HERC2: variants seen among roughly 807,000 people sequenced by gnomAD.
HERC2 encodes the protein HECT and RLD domain containing E3 ubiquitin protein ligase 2.
In HERC2, 102 loss-of-function variants were observed where a neutral mutation model predicts 537.7. The ratio of observed to expected loss-of-function variants is 0.19; its 90% CI spans 0.16 to 0.22. HERC2 has a LOEUF of 0.22. HERC2 is among the 10% of genes least tolerant of loss of function. HERC2 has a pLI of 1.00. For missense variants in HERC2, 4,236 were observed against 6,198.2 expected (o/e 0.68, Z 10.63); for synonymous variants, 2,224 against 2,466.2 (o/e 0.90, Z 2.91).
chr15:28,200,456 A>T (rs113505002), intron 48 of HERC2, among the ~76,000 whole-genome samples: 10,194 of 151,914 alleles, frequency 0.067, 845 homozygotes, highest in East Asian at 0.41. Flanking sequence ...ATCACCAGAA[A>T]CCAGCCAAGC....
chr15:28,131,097 C>T (rs1252350605), intron 81 of HERC2, among the ~76,000 whole-genome samples: 1 of 152,214 alleles, frequency 6.6e-6, no homozygotes, highest in South Asian at 2.1e-4. Flanking sequence ...TCCTCATGAC[C>T]TCTGTGATTG....
intron 20 of HERC2, among the ~76,000 whole-genome samples, chr15:28,252,051 A>G (rs1409572277): frequency 1.3e-5 from 2 of 152,182 alleles, no homozygotes; most frequent in African/African-American, 2.4e-5. Flanking sequence ...GTAGACTCAC[A>G]TGGCCAAGTG....
intron 48 of HERC2, among the ~76,000 whole-genome samples, chr15:28,199,559 C>T (rs2140323630): frequency 6.6e-6 from 1 of 152,246 alleles, no homozygotes; most frequent in Non-Finnish European, 1.5e-5. Flanking sequence ...AGCTAATGAA[C>T]TCAGAGAAGA....
At chr15:28,294,431 G>A (rs1273025781) in intron 3 of HERC2, among the ~76,000 whole-genome samples, 1 of 149,664 alleles carries the variant, frequency 6.7e-6, no homozygotes, top group African/African-American at 2.5e-5. Flanking sequence ...AAAGTGCCAC[G>A]GAAAGTAGAT....
intron 2 of HERC2, chr15:28,320,010 T>C (rs1206394203): frequency 1.3e-5 from 2 of 152,120 alleles, no homozygotes; most frequent in African/African-American, 4.8e-5. Context: ...AAAGGAAATG[T>C]TTAAAGAGAA....
At chr15:28,235,534 C>T (rs113065902) in intron 26 of HERC2, among the ~76,000 whole-genome samples, 11 of 152,280 alleles carry the variant, frequency 7.2e-5, no homozygotes, top group East Asian at 5.8e-4. Flanking sequence ...CCTCCTTCCC[C>T]GCAAGCCTTC....
chr15:28,215,424 G>A (rs188013639), intron 39 of HERC2, among the ~76,000 whole-genome samples, 197 bp downstream of exon 39: 2,795 of 152,250 alleles, frequency 0.018, 79 homozygotes, highest in African/African-American at 0.064. Flanking sequence ...CCACTTAAGA[G>A]AAAAGCAGGT....
rs779453003 is a variant in HERC2 at position 28,175,674 on chromosome 15, G to A, written c.9687-18C>T. 5.6e-6 allele frequency: 9 copies of A among 1,613,758 alleles called. No individual in the cohort carries two copies. In the East Asian group the frequency reaches 1.6e-4, roughly 28 times the overall value. ...CCTTTCCCCTGAGAGAAGGCCCATGGTGGAGAGTTACAATACGGTTATGGT... is the reference window on the plus strand; with the variant it reads ...CCTTTCCCCTGAGAGAAGGCCCATGATGGAGAGTTACAATACGGTTATGGT... On this transcript the variant is annotated intron_variant, in intron 63 of 92. Coordinates refer to ENST00000261609, the MANE Select transcript of HERC2 (RefSeq NM_004667.6).
At chr15:28,193,564 C>T (rs1180992857) in intron 52 of HERC2, among the ~76,000 whole-genome samples, 1 of 152,178 alleles carries the variant, frequency 6.6e-6, no homozygotes, top group Non-Finnish European at 1.5e-5. Context: ...TGAAGAAATA[C>T]TGAAAGACAG....
At chr15:28,149,225 C>G (rs1257593603) in intron 70 of HERC2, among the ~76,000 whole-genome samples, 1 of 151,704 alleles carries the variant, frequency 6.6e-6, no homozygotes, top group Non-Finnish European at 1.5e-5. Flanking sequence ...CACGCAGCTC[C>G]TAACTGAAAA....
At chr15:28,246,644 A>T in intron 22 of HERC2, 98 bp downstream of exon 22, 1 of 1,079,762 alleles carries the variant, frequency 9.3e-7, no homozygotes, top group Non-Finnish European at 1.3e-6. Context: ...CAGAAAATTT[A>T]GAGAGTAAAT....
chr15:28,214,162 T>TCAGGGAGTG lies in HERC2; in HGVS notation c.6460_6468dup (p.His2154_Leu2156dup). On this transcript the variant is annotated inframe_insertion, in exon 41 of 93. Transcript: ENST00000261609. ...TTGTTGATGAGCCCATTCCACTGAG[T>TCAGGGAGTG]CAGGGAGTGCAGCGTGCGCAGCAGT... The TCAGGGAGTG allele has an allele frequency of 1.2e-6, 2 of 1,613,580 alleles. No homozygotes were observed. The highest frequency in any genetic ancestry group is 2.2e-5 in the South Asian group (2 of 91,060).
intron 81 of HERC2, among the ~76,000 whole-genome samples, 191 bp from the exon 82 acceptor site, chr15:28,130,785 C>T (rs1263276707): frequency 6.6e-6 from 1 of 152,258 alleles, no homozygotes; most frequent in Admixed American, 6.5e-5. Flanking sequence ...CCGTGACTGA[C>T]AGCACACCCG....
intron 51 of HERC2, 41 bp downstream of exon 51, chr15:28,196,420 T>A: frequency 2.6e-6 from 4 of 1,564,896 alleles, no homozygotes; most frequent in Non-Finnish European, 3.5e-6. Flanking sequence ...CAGAAAACCA[T>A]TCGTCCCAAA....
Position 28,260,973 on chromosome 15 carries a change from A to G in HERC2, c.2123-3T>C. The stretch of plus-strand genomic sequence containing the variant: ...AGCCACATCAATCACCTTCTTCCCT[A>G]CAAGGGAAGAGGGATGCAGATGCAG... On this transcript the variant is annotated splice_polypyrimidine_tract_variant and splice_region_variant and intron_variant, in intron 15 of 92. Transcript: ENST00000261609. 1.9e-6 allele frequency: 3 copies of G among 1,604,500 alleles called. No homozygotes were observed. Among genetic ancestry groups the G allele is most frequent in the Non-Finnish European group, 2.6e-6 (3 of 1,172,022 alleles).
intron 83 of HERC2, among the ~76,000 whole-genome samples, chr15:28,125,875 A>G (rs1341497402): frequency 6.6e-6 from 1 of 152,120 alleles, no homozygotes; most frequent in Non-Finnish European, 1.5e-5. Context: ...CAGTGGTGCG[A>G]TCTCAAGCTC....
At chr15:28,153,060 A>G (rs1892617983) in intron 69 of HERC2, among the ~76,000 whole-genome samples, 1 of 152,250 alleles carries the variant, frequency 6.6e-6, no homozygotes, top group Non-Finnish European at 1.5e-5. Context: ...ATCTATGTTA[A>G]AAAGTCGTTG....
At chr15:28,112,083 T>G (rs1435303516) in intron 92 of HERC2, 48 bp from the exon 93 acceptor site, 2 of 1,575,508 alleles carry the variant, frequency 1.3e-6, no homozygotes, top group East Asian at 4.5e-5. Flanking sequence ...ACGGCTGCAG[T>G]TTACTTTACT....
At chr15:28,114,430 CAG>C (rs1887997699) in intron 90 of HERC2, among the ~76,000 whole-genome samples, 180 bp downstream of exon 90, 1 of 152,176 alleles carries the variant, frequency 6.6e-6, no homozygotes, top group East Asian at 1.9e-4. Context: ...CCAGGAATGT[CAG>C]AGTAATAAAT....
Sources: gnomAD v4.1 joint callset for allele counts (sites outside exome capture counted in the v4.1 genomes callset) on GRCh38, gnomAD v4.1.1 for gene constraint, MANE v1.5 for transcripts, NCBI Gene and HGNC (gene_info 2026-07-23, HGNC 2026-07-21) for gene names.